Variants in C12orf42 observed in about 807,000 individuals in gnomAD.
C12orf42 encodes the protein chromosome 12 open reading frame 42.
In C12orf42, 25 loss-of-function variants were observed where a neutral mutation model predicts 21.6. The observed-to-expected ratio is 1.16, with a 90% CI of 0.84 to 1.62. The LOEUF is 1.62. Among genes scored for constraint, C12orf42 ranks in the 40% most tolerant of loss-of-function variants. The pLI is 0.00. For synonymous variants in C12orf42, 174 were observed against 175.0 expected (o/e 0.99, Z 0.05); for missense variants, 483 against 459.3 (o/e 1.05, Z -0.47).
the C12orf42 span, among the ~76,000 whole-genome samples, chr12:103,065,048 G>A: frequency 6.6e-6 from 1 of 152,266 alleles, no homozygotes; most frequent in South Asian, 2.1e-4. Flanking sequence ...GGTAGGAAAG[G>A]CCAAATGGAA....
intron 2 of C12orf42, among the ~76,000 whole-genome samples, chr12:103,428,712 A>G (rs1346002654): frequency 1.3e-5 from 2 of 152,224 alleles, no homozygotes; most frequent in African/African-American, 4.8e-5. Context: ...TGATGCAAAA[A>G]TCCTTAATAA....
chr12:103,155,521 A>G, the C12orf42 span, among the ~76,000 whole-genome samples: 595 of 152,172 alleles, frequency 3.9e-3, 2 homozygotes, highest in African/African-American at 0.014. Context: ...GACACATTGG[A>G]GCTGCTGCTC....
chr12:103,164,698 G>C, the C12orf42 span: 2 of 454,578 alleles, frequency 4.4e-6, no homozygotes, highest in Non-Finnish European at 8.8e-6. Context: ...CAGATTCAAA[G>C]CTCTTGGAGA....
At chr12:103,368,191 T>A in intron 4 of C12orf42, 1 of 552,802 alleles carries the variant, frequency 1.8e-6, no homozygotes, top group South Asian at 1.5e-5. Context: ...AATACAATTA[T>A]ATATCTTTTG....
chr12:103,439,904 C>A (rs10861010), intron 2 of C12orf42, among the ~76,000 whole-genome samples: 1 of 145,192 alleles, frequency 6.9e-6, no homozygotes, highest in Admixed American at 6.9e-5. Flanking sequence ...CATCCCATTA[C>A]TGGGTATATA....
At chr12:103,470,155 G>A (rs993272154) in intron 2 of C12orf42, among the ~76,000 whole-genome samples, 1 of 152,172 alleles carries the variant, frequency 6.6e-6, no homozygotes, top group Non-Finnish European at 1.5e-5. Flanking sequence ...TTAAAATGCA[G>A]AAAGAATGGA....
the C12orf42 span, among the ~76,000 whole-genome samples, chr12:103,192,690 A>G: frequency 6.6e-6 from 1 of 152,188 alleles, no homozygotes; most frequent in Non-Finnish European, 1.5e-5. Flanking sequence ...ATTCTAAAGG[A>G]GGATAAAACT....
At chr12:103,460,403 G>A (rs565891401) in intron 2 of C12orf42, among the ~76,000 whole-genome samples, 23 of 152,280 alleles carry the variant, frequency 1.5e-4, no homozygotes, top group Non-Finnish European at 2.8e-4. Flanking sequence ...TTGCATGGTC[G>A]CATCAAACTG....
chr12:103,305,051 G>C (rs2038130597), intron 5 of C12orf42, among the ~76,000 whole-genome samples: 1 of 152,044 alleles, frequency 6.6e-6, no homozygotes, highest in Non-Finnish European at 1.5e-5. Context: ...AAATTGTCTT[G>C]TTTTGGGCCA....
At chr12:103,497,991 C>T (rs1248285428), upstream of C12orf42, among the ~76,000 whole-genome samples, 2 of 151,510 alleles carry the variant, frequency 1.3e-5, no homozygotes, top group African/African-American at 4.9e-5. Flanking sequence ...GCAGAGACAG[C>T]GCCACTTCAC....
chr12:103,454,024 C>G (rs1381762140), intron 2 of C12orf42, among the ~76,000 whole-genome samples: 2 of 152,104 alleles, frequency 1.3e-5, no homozygotes, highest in Non-Finnish European at 2.9e-5. Context: ...CAACCATGCA[C>G]TCACCTTTTG....
chr12:103,188,138 T>C, the C12orf42 span, among the ~76,000 whole-genome samples: 5 of 152,192 alleles, frequency 3.3e-5, no homozygotes, highest in African/African-American at 1.2e-4. Flanking sequence ...ACTGTACTAG[T>C]TCAGAAATGA....
the C12orf42 span, among the ~76,000 whole-genome samples, chr12:103,124,451 T>A: frequency 6.6e-6 from 1 of 152,094 alleles, no homozygotes; most frequent in Non-Finnish European, 1.5e-5. Context: ...AGAACCTGGA[T>A]GGGTTGTTTA....
the C12orf42 span, among the ~76,000 whole-genome samples, chr12:103,110,968 A>G: frequency 6.6e-6 from 1 of 152,228 alleles, no homozygotes; most frequent in African/African-American, 2.4e-5. Context: ...CTCAGCACCA[A>G]TAATGACTGA....
At position 103,306,186 on chromosome 12, in the gene C12orf42, G is replaced by C. The variant is rs1489665475; in HGVS notation, c.419C>G (p.Ala140Gly). The change falls in exon 5 of 6, where the codon GCC becomes GGC. Residue 140 changes from alanine to glycine, a missense_variant. Transcript: ENST00000548883. The part of the protein sequence containing the change: ...SPAPSSETDE[A>G]PLIFTARGET... ...TCCTCTGGCAGTAAAAATCAATGGG[G>C]CCTCATCAGTTTCACTGGATGGTGC... 4 of 1,613,766 alleles carry C rather than the reference G, an allele frequency of 2.5e-6. No individual in the cohort carries two copies. Among genetic ancestry groups the C allele is most frequent in the Non-Finnish European group, 3.4e-6 (4 of 1,179,858 alleles).
At chr12:103,159,428 A>G in the C12orf42 span, 3 of 152,218 alleles carry the variant, frequency 2.0e-5, no homozygotes, top group Non-Finnish European at 4.4e-5. Flanking sequence ...TGAGGCTATG[A>G]TGGTAAGTTG....
At chr12:103,432,260 G>A (rs10467024) in intron 2 of C12orf42, among the ~76,000 whole-genome samples, 1 of 152,068 alleles carries the variant, frequency 6.6e-6, no homozygotes. Flanking sequence ...TGAGATCTTA[G>A]CCACAAGATG....
chr12:103,202,708 G>A, the C12orf42 span, among the ~76,000 whole-genome samples: 13 of 152,266 alleles, frequency 8.5e-5, no homozygotes, highest in East Asian at 2.5e-3. Flanking sequence ...TCCTTCTAGG[G>A]CTCAGGCAGC....
chr12:103,476,186 C>G (rs1332448069), intron 2 of C12orf42, among the ~76,000 whole-genome samples: 1 of 152,078 alleles, frequency 6.6e-6, no homozygotes, highest in Non-Finnish European at 1.5e-5. Context: ...GGGTAAAATC[C>G]CCACCATTCA....
Sources: gnomAD v4.1 joint callset for allele counts (sites outside exome capture counted in the v4.1 genomes callset) on GRCh38, gnomAD v4.1.1 for gene constraint, MANE v1.5 for transcripts, NCBI Gene and HGNC (gene_info 2026-07-23, HGNC 2026-07-21) for gene names.